SETD7: variants seen among roughly 807,000 people sequenced by gnomAD.
The protein encoded by SETD7 is histone-lysine N-methyltransferase SETD7.
Under a neutral mutation model 41.8 loss-of-function variants are expected in SETD7, and 16 were observed. The ratio of observed to expected loss-of-function variants is 0.38; its 90% CI spans 0.26 to 0.58. The LOEUF (loss-of-function observed/expected upper bound fraction) is 0.58. Among genes scored for constraint, SETD7 ranks in the 20% least tolerant of loss-of-function variants. The pLI is 0.64. For synonymous variants in SETD7, 163 were observed against 169.7 expected (o/e 0.96, Z 0.31); for missense variants, 346 against 459.7 (o/e 0.75, Z 2.26).
At chr4:139,536,771 G>A (rs1311046672) in intron 2 of SETD7, among the ~76,000 whole-genome samples, 1 of 151,234 alleles carries the variant, frequency 6.6e-6, no homozygotes, top group Non-Finnish European at 1.5e-5. Flanking sequence ...TGGAGGCCGA[G>A]GCAGGAGGAT....
chr4:139,511,905 A>G, intron 7 of SETD7, 62 bp from the exon 8 acceptor site: 2 of 1,548,076 alleles, frequency 1.3e-6, no homozygotes, highest in Middle Eastern at 4.1e-4. Context: ...AGCAAAGGCT[A>G]GGGAGGGGCT....
chr4:139,547,537 A>G (rs1247387372), intron 1 of SETD7, among the ~76,000 whole-genome samples: 1 of 152,242 alleles, frequency 6.6e-6, no homozygotes, highest in African/African-American at 2.4e-5. Flanking sequence ...AACATTAAGT[A>G]TGCAATATGA....
chr4:139,523,705 G>C (rs761847316), intron 4 of SETD7, among the ~76,000 whole-genome samples: 1 of 152,206 alleles, frequency 6.6e-6, no homozygotes, highest in South Asian at 2.1e-4. Flanking sequence ...CTTAAAGGAT[G>C]CTTGGGAATC....
intron 1 of SETD7, among the ~76,000 whole-genome samples, chr4:139,551,984 T>C (rs930126626): frequency 2.0e-5 from 3 of 152,250 alleles, no homozygotes; most frequent in Non-Finnish European, 4.4e-5. Context: ...GTTTTGATCT[T>C]TTTAAAATTT....
intron 3 of SETD7, among the ~76,000 whole-genome samples, chr4:139,531,874 T>C (rs1727490238): frequency 6.6e-6 from 1 of 152,198 alleles, no homozygotes; most frequent in Non-Finnish European, 1.5e-5. Flanking sequence ...GGAAATCATC[T>C]GAGGTCGGGA....
intron 2 of SETD7, among the ~76,000 whole-genome samples, chr4:139,533,672 T>C (rs1727553455): frequency 6.6e-6 from 1 of 152,212 alleles, no homozygotes; most frequent in South Asian, 2.1e-4. Context: ...GAGTATGTTT[T>C]CAGGCAATAG....
intron 2 of SETD7, among the ~76,000 whole-genome samples, chr4:139,543,108 C>T (rs1037444580): frequency 5.3e-5 from 8 of 152,194 alleles, no homozygotes; most frequent in African/African-American, 1.9e-4. Context: ...GTTTTTGTCT[C>T]CTCGCTTGTT....
At chr4:139,543,014 CATGGGTTCCCACA>C (rs1727821854) in intron 2 of SETD7, among the ~76,000 whole-genome samples, 1 of 152,240 alleles carries the variant, frequency 6.6e-6, no homozygotes, top group African/African-American at 2.4e-5. Context: ...CTTGTCGGAA[CATGGGTTCCCACA>C]ATTTCAGACA....
rs1479100194 is a variant in SETD7 at position 139,508,847 on chromosome 4, C to T, written c.*2816G>A. ...AACGGGAAACAAACCCTTCCGTCCT[C>T]AGCTGTTAATTCCTTATAGAACCTC... On this transcript the variant is annotated 3_prime_UTR_variant, in exon 8 of 8. Transcript: ENST00000274031. 1.3e-5 allele frequency: 2 copies of T among 152,130 alleles called. No homozygotes were observed. Among genetic ancestry groups the T allele is most frequent in the African/African-American group, 4.8e-5 (2 of 41,412 alleles). 9.4% of individuals were successfully genotyped at this position (152,130 alleles called of 1,614,324 possible). A position where few individuals can be genotyped will look rare whatever the true frequency, so the allele number is the denominator to read the frequency against.
intron 3 of SETD7, among the ~76,000 whole-genome samples, chr4:139,531,545 C>G (rs1727482629): frequency 6.6e-6 from 1 of 152,204 alleles, no homozygotes; most frequent in African/African-American, 2.4e-5. Flanking sequence ...CTTTCTGCTT[C>G]TCTTCTCCTA....
chr4:139,514,877 A>G (rs1329808491), intron 7 of SETD7, among the ~76,000 whole-genome samples: 1 of 152,210 alleles, frequency 6.6e-6, no homozygotes, highest in Non-Finnish European at 1.5e-5. Context: ...TAAAGTGTAC[A>G]TATCAGGGCC....
At chr4:139,551,589 TG>T (rs1560694484) in intron 1 of SETD7, among the ~76,000 whole-genome samples, 1 of 152,006 alleles carries the variant, frequency 6.6e-6, no homozygotes, top group Non-Finnish European at 1.5e-5. Context: ...AAATTCCCTC[TG>T]GATCAGACAC....
At chr4:139,543,116 G>A (rs1482690529) in intron 2 of SETD7, among the ~76,000 whole-genome samples, 1 of 152,172 alleles carries the variant, frequency 6.6e-6, no homozygotes, top group Non-Finnish European at 1.5e-5. Context: ...CTCCTCGCTT[G>A]TTATTCAAAA....
At chr4:139,554,177 G>A (rs1728192363) in intron 1 of SETD7, among the ~76,000 whole-genome samples, 1 of 152,028 alleles carries the variant, frequency 6.6e-6, no homozygotes, top group Non-Finnish European at 1.5e-5. Flanking sequence ...ATTCTCAAGG[G>A]GGTTCTGATT....
At chr4:139,497,597 G>GT (rs372331930) in intron 7 of SETD7, among the ~76,000 whole-genome samples, 8,078 of 146,862 alleles carry the variant, frequency 0.055, 237 homozygotes, top group Non-Finnish European at 0.071. Context: ...TTGTTTTTTT[G>GT]TTTTTTTTTT....
At chr4:139,505,524 G>A (rs1726679596), downstream of SETD7, among the ~76,000 whole-genome samples, 1 of 152,074 alleles carries the variant, frequency 6.6e-6, no homozygotes, top group Non-Finnish European at 1.5e-5. Flanking sequence ...CGGAGGTGGA[G>A]GCTGCAGTGA....
At chr4:139,519,502 G>C (rs995008156) in intron 6 of SETD7, among the ~76,000 whole-genome samples, 3 of 152,254 alleles carry the variant, frequency 2.0e-5, no homozygotes, top group Non-Finnish European at 4.4e-5. Flanking sequence ...TAGTCTGACA[G>C]ACCATAGTGC....
At chr4:139,523,456 C>T (rs369326502) in intron 4 of SETD7, 21 bp from the exon 5 acceptor site, 2 of 1,547,600 alleles carry the variant, frequency 1.3e-6, no homozygotes, top group Admixed American at 3.3e-5. Flanking sequence ...AACAAAAATA[C>T]CAGTATAGGT....
At chr4:139,538,105 T>G (rs564895386) in intron 2 of SETD7, among the ~76,000 whole-genome samples, 1 of 152,148 alleles carries the variant, frequency 6.6e-6, no homozygotes, top group African/African-American at 2.4e-5. Flanking sequence ...ATAAAGAAAT[T>G]TATAAAACTG....
Sources: allele counts gnomAD v4.1 joint callset (sites outside exome capture counted in the v4.1 genomes callset), GRCh38; gene constraint gnomAD v4.1.1; transcripts MANE v1.5; gene names NCBI Gene and HGNC (gene_info 2026-07-23, HGNC 2026-07-21).